The following PRKCB variants were observed in gnomAD, a reference collection of about 807,000 sequenced individuals.
PRKCB encodes the protein protein kinase C beta, also known as protein kinase C beta type.
A neutral mutation model predicts 81.5 loss-of-function variants in PRKCB; 13 were observed. That is an observed-to-expected ratio of 0.16 (90% CI 0.10 to 0.25). The LOEUF is 0.25. Among genes scored for constraint, PRKCB ranks in the 10% least tolerant of loss-of-function variants. PRKCB has a pLI of 1.00. For synonymous variants in PRKCB, 335 were observed against 321.4 expected (o/e 1.04, Z -0.45); for missense variants, 509 against 875.7 (o/e 0.58, Z 5.29).
At chr16:24,157,306 T>C (rs755167611) in intron 10 of PRKCB, among the ~76,000 whole-genome samples, 1 of 152,142 alleles carries the variant, frequency 6.6e-6, no homozygotes, top group Non-Finnish European at 1.5e-5. Flanking sequence ...CATCTTGAAT[T>C]GTAGTTCCCA....
chr16:24,157,013 G>C (rs1296574560), intron 10 of PRKCB, among the ~76,000 whole-genome samples: 1 of 126,532 alleles, frequency 7.9e-6, no homozygotes, highest in African/African-American at 3.4e-5. Context: ...GTTCATTGTA[G>C]TGTCTTTGTG....
At chr16:24,193,888 G>T (rs535720504) in intron 16 of PRKCB, among the ~76,000 whole-genome samples, 1 of 152,194 alleles carries the variant, frequency 6.6e-6, no homozygotes, top group African/African-American at 2.4e-5. Context: ...CATCTTCATG[G>T]TATTTGGGGC....
chr16:24,058,655 A>G (rs967446687), intron 5 of PRKCB, among the ~76,000 whole-genome samples: 3 of 152,170 alleles, frequency 2.0e-5, no homozygotes, highest in African/African-American at 7.2e-5. Flanking sequence ...ACCACATGAG[A>G]GAAGCATGAA....
chr16:23,918,834 GA>G (rs893937854), intron 2 of PRKCB, among the ~76,000 whole-genome samples: 1 of 151,616 alleles, frequency 6.6e-6, no homozygotes, highest in Non-Finnish European at 1.5e-5. Context: ...GGCTATAAAT[GA>G]AAAAAAATAG....
At chr16:24,165,236 T>C (rs1967324477) in intron 10 of PRKCB, among the ~76,000 whole-genome samples, 1 of 152,188 alleles carries the variant, frequency 6.6e-6, no homozygotes, top group Non-Finnish European at 1.5e-5. Context: ...AGCCAGGGTC[T>C]TGCCATGTTG....
intron 10 of PRKCB, among the ~76,000 whole-genome samples, chr16:24,160,295 A>C (rs1407521730): frequency 1.3e-5 from 2 of 151,424 alleles, no homozygotes; most frequent in African/African-American, 2.4e-5. Context: ...GATTATTAAA[A>C]TTTAGGGAGC....
chr16:24,123,481 C>T (rs1295161549), intron 8 of PRKCB, among the ~76,000 whole-genome samples: 1 of 152,020 alleles, frequency 6.6e-6, no homozygotes, highest in Non-Finnish European at 1.5e-5. Flanking sequence ...ATGAGAGGCT[C>T]ACTGTGGTTG....
At chr16:24,065,584 A>G (rs930866179) in intron 5 of PRKCB, among the ~76,000 whole-genome samples, 10 of 152,206 alleles carry the variant, frequency 6.6e-5, no homozygotes, top group Non-Finnish European at 1.0e-4. Flanking sequence ...GGATTTAATA[A>G]TATATTTACC....
chr16:23,907,899 C>G (rs1963586562), intron 2 of PRKCB, among the ~76,000 whole-genome samples: 1 of 152,226 alleles, frequency 6.6e-6, no homozygotes, highest in African/African-American at 2.4e-5. Flanking sequence ...AACAATGACT[C>G]TGAGAACCGG....
chr16:24,080,530 GATA>G lies in PRKCB; in HGVS notation c.530-12258_530-12256del, dbSNP rs142911278. Among the ~76,000 whole-genome samples the G allele has an allele frequency of 4.6e-3, 700 of 152,258 alleles. 4 individuals are homozygous for G. Among genetic ancestry groups the G allele is most frequent in the African/African-American group, 0.016 (669 of 41,548 alleles). ...CATGGTGGTGTCGGGGGAGCAGGAG[GATA>G]ATGAGCGTTGTTGGACATGTTGAGT... On this transcript the variant is annotated intron_variant, in intron 5 of 16. Coordinates refer to ENST00000643927, the MANE Select transcript of PRKCB (RefSeq NM_002738.7).
chr16:23,933,520 T>G (rs1964007204), intron 2 of PRKCB, among the ~76,000 whole-genome samples: 1 of 152,194 alleles, frequency 6.6e-6, no homozygotes, highest in African/African-American at 2.4e-5. Flanking sequence ...CATGCATTGT[T>G]GGGGAAGATA....
intron 2 of PRKCB, among the ~76,000 whole-genome samples, chr16:23,895,326 T>TC (rs1048469077): frequency 3.9e-5 from 6 of 152,020 alleles, no homozygotes; most frequent in African/African-American, 1.4e-4. Context: ...GTTTTATTTT[T>TC]CCCCTCAAAC....
At chr16:24,154,920 T>C (rs566340714) in intron 10 of PRKCB, 63 bp downstream of exon 10, 1 of 1,543,704 alleles carries the variant, frequency 6.5e-7, no homozygotes, top group South Asian at 1.2e-5. Context: ...TGGCCAAAGC[T>C]ATCTTAGCAG....
rs9938968 is a variant in PRKCB, at chr16:24,189,913, A to G, written c.1723-1177A>G. On this transcript the variant is annotated intron_variant, in intron 15 of 16. Transcript: ENST00000643927. ...GATGTCAACTCTGGAAAGCTTTTGG[A>G]CTTGTATGCTTCTTTCTTTTTTTTT... Among the ~76,000 whole-genome samples the G allele has an allele frequency of 4.9e-3, 745 of 152,028 alleles. 10 individuals carry two copies. The highest frequency in any genetic ancestry group is 0.017 in the African/African-American group (706 of 41,476).
At chr16:24,030,311 T>C (rs1965535007) in intron 3 of PRKCB, among the ~76,000 whole-genome samples, 1 of 151,998 alleles carries the variant, frequency 6.6e-6, no homozygotes, top group Non-Finnish European at 1.5e-5. Flanking sequence ...GCCAAAGGCT[T>C]ACAAAGGGCA....
At chr16:24,154,050 A>C (rs1264830575) in intron 9 of PRKCB, among the ~76,000 whole-genome samples, 1 of 152,242 alleles carries the variant, frequency 6.6e-6, no homozygotes, top group African/African-American at 2.4e-5. Flanking sequence ...TACACCAGTA[A>C]ACCAAAACAG....
intron 3 of PRKCB, among the ~76,000 whole-genome samples, chr16:23,992,649 A>G (rs1964902153): frequency 1.3e-5 from 2 of 152,214 alleles, no homozygotes; most frequent in South Asian, 4.1e-4. Context: ...AAGAGCTTCT[A>G]GGTGTGCCCT....
chr16:23,866,894 A>C (rs1423366803), intron 2 of PRKCB, among the ~76,000 whole-genome samples: 1 of 151,736 alleles, frequency 6.6e-6, no homozygotes, highest in Non-Finnish European at 1.5e-5. Context: ...ATTTAATTTT[A>C]ATGATCCTTT....
At chr16:23,859,492 A>C (rs1441052114) in intron 2 of PRKCB, among the ~76,000 whole-genome samples, 1 of 152,156 alleles carries the variant, frequency 6.6e-6, no homozygotes, top group Non-Finnish European at 1.5e-5. Flanking sequence ...TGTAGGCCAG[A>C]CTCATAAATC....
Sources: allele counts gnomAD v4.1 joint callset (sites outside exome capture counted in the v4.1 genomes callset), GRCh38; gene constraint gnomAD v4.1.1; transcripts MANE v1.5; gene names NCBI Gene and HGNC (gene_info 2026-07-23, HGNC 2026-07-21).